Variants in AGAP1 observed in about 807,000 individuals in gnomAD.
AGAP1 encodes the protein ArfGAP with GTPase domain, ankyrin repeat and PH domain 1.
In AGAP1, 29 loss-of-function variants were observed where a neutral mutation model predicts 105.3. The observed-to-expected ratio is 0.28, with a 90% CI of 0.21 to 0.38. The LOEUF (loss-of-function observed/expected upper bound fraction) is 0.38, where lower values mean the gene tolerates loss of function less well. AGAP1 is among the 10% of genes least tolerant of loss of function. The pLI, the probability that AGAP1 is intolerant of heterozygous loss-of-function variation, is 1.00. For synonymous variants in AGAP1, 509 were observed against 485.9 expected, an observed-to-expected ratio of 1.05 and a Z score of -0.63; for missense variants, 998 against 1,165.1, an observed-to-expected ratio of 0.86 and a Z score of 2.09.
chr2:235,771,391 G>T (rs1575409806), intron 6 of AGAP1, among the ~76,000 whole-genome samples: 1 of 152,158 alleles, frequency 6.6e-6, no homozygotes, highest in Non-Finnish European at 1.5e-5. Context: ...CACCACACGT[G>T]GGCACAGCTG....
rs1961039308 is a variant in AGAP1 at position 235,843,002 on chromosome 2, C to T, written c.1050+35671C>T. ...TCGGCCTCCCAAAGTGCTGGAGTTA[C>T]AGGCGTTAGCTGCCGTGCCCGGCCC... On this transcript the variant is annotated intron_variant, in intron 9 of 17. Coordinates refer to ENST00000304032, the MANE Select transcript of AGAP1 (RefSeq NM_001037131.3). The surrounding 1 kb of genome is among the most constrained non-coding windows in gnomAD (Gnocchi z 5.9). Among the ~76,000 whole-genome samples the T allele has an allele frequency of 1.3e-5, 2 of 152,238 alleles. No homozygotes were observed. The highest frequency in any genetic ancestry group is 4.1e-4 in the South Asian group (2 of 4,834).
rs1181748763 is a variant in AGAP1, at chr2:235,888,018, C to T, written c.1155+4569C>T. On this transcript the variant is annotated intron_variant, in intron 10 of 17. Coordinates refer to ENST00000304032, the MANE Select transcript of AGAP1 (RefSeq NM_001037131.3). The surrounding 1 kb of genome is among the most constrained non-coding windows in gnomAD (Gnocchi z 4.8). ...GGCACAGACATTTATCTTCTGTCCA[C>T]GTGTGTGCCGCTCACAGTCCACGTA... 1.3e-5 allele frequency among the ~76,000 whole-genome samples: 2 copies of T among 152,158 alleles called. No individual in the cohort carries two copies. The highest frequency in any genetic ancestry group is 2.9e-5 in the Non-Finnish European group (2 of 68,028).
chr2:235,668,154 A>G (rs1001884883), intron 1 of AGAP1, among the ~76,000 whole-genome samples: 2 of 152,092 alleles, frequency 1.3e-5, no homozygotes, highest in African/African-American at 4.8e-5. Context: ...GAGGCCACAG[A>G]GGGTGCTCAG....
chr2:235,595,637 G>T (rs112097919), intron 1 of AGAP1, among the ~76,000 whole-genome samples: 8 of 152,190 alleles, frequency 5.3e-5, no homozygotes, highest in African/African-American at 1.9e-4. Flanking sequence ...AGTGAGATGC[G>T]TAAACAAACT....
Position 235,906,613 on chromosome 2 carries a change from C to G in AGAP1, c.1156-2125C>G, listed in dbSNP as rs2051317864. Among the ~76,000 whole-genome samples the G allele has an allele frequency of 6.6e-6, 1 of 152,154 alleles. No homozygotes were observed. The highest frequency in any genetic ancestry group is 2.1e-4 in the South Asian group (1 of 4,820). ...CTTTTCCCTTGAGTCTGGTTTGACT[C>G]CATGTGGCAGCCTGTAAGTCATGTT... On this transcript the variant is annotated intron_variant, in intron 10 of 17. Coordinates refer to ENST00000304032, the MANE Select transcript of AGAP1 (RefSeq NM_001037131.3). This position sits in a 1 kb window ranked among gnomAD's most constrained non-coding sequence, Gnocchi z 5.3.
In AGAP1 at chr2:236,045,457, G is replaced by A. The variant is rs2057689554; in HGVS notation, c.1892-3602G>A. On this transcript the variant is annotated intron_variant, in intron 15 of 17. Transcript: ENST00000304032. The surrounding 1 kb of genome is among the most constrained non-coding windows in gnomAD (Gnocchi z 6.9). ...TTTAATCCTTCTGACAGCCCCTTGAGGATGGGAATTATTAGCCTCATTTCT... is the reference window on the plus strand; with the variant it reads ...TTTAATCCTTCTGACAGCCCCTTGAAGATGGGAATTATTAGCCTCATTTCT... 6.6e-6 allele frequency among the ~76,000 whole-genome samples: 1 copy of A among 152,248 alleles called. No homozygotes were observed. Among genetic ancestry groups the A allele is most frequent in the Non-Finnish European group, 1.5e-5 (1 of 68,050 alleles).
rs1943353648 is a variant in AGAP1, at chr2:235,539,242, G to A, written c.163+44393G>A. 2.0e-5 allele frequency among the ~76,000 whole-genome samples: 3 copies of A among 152,228 alleles called. No individual in the cohort carries two copies. The South Asian group carries it at 6.2e-4, about 32-fold the overall frequency. On this transcript the variant is annotated intron_variant, in intron 1 of 17. Coordinates refer to ENST00000304032, the MANE Select transcript of AGAP1 (RefSeq NM_001037131.3). ...ATGTGTGCTAGGAAGGTTACCTTCT[G>A]CAGCTGGACTTTTATGATGCACTGG...
chr2:235,652,498 G>A (rs1373771916), intron 1 of AGAP1, among the ~76,000 whole-genome samples: 1 of 152,166 alleles, frequency 6.6e-6, no homozygotes, highest in Non-Finnish European at 1.5e-5. Context: ...TCTGTCTGGG[G>A]GTGGAGAGCC....
chr2:235,980,372 A>C (rs1387974134), intron 13 of AGAP1, among the ~76,000 whole-genome samples: 1 of 152,200 alleles, frequency 6.6e-6, no homozygotes, highest in Admixed American at 6.5e-5. Flanking sequence ...CTTAATAGCA[A>C]AACTGCATTT....
At chr2:235,572,514 C>G (rs1011792240) in intron 1 of AGAP1, among the ~76,000 whole-genome samples, 7 of 152,130 alleles carry the variant, frequency 4.6e-5, no homozygotes, top group African/African-American at 1.7e-4. Flanking sequence ...GCGTCCTTTG[C>G]ACCATACCCC....
Position 235,891,355 on chromosome 2 carries a change from G to T in AGAP1, c.1155+7906G>T, listed in dbSNP as rs1194311134. Among the ~76,000 whole-genome samples, 1 of 152,114 alleles carries T rather than the reference G, an allele frequency of 6.6e-6. No individual in the cohort carries two copies. The highest frequency in any genetic ancestry group is 1.5e-5 in the Non-Finnish European group (1 of 68,036). On this transcript the variant is annotated intron_variant, in intron 10 of 17. Transcript: ENST00000304032. This position sits in a 1 kb window ranked among gnomAD's most constrained non-coding sequence, Gnocchi z 4.2. ...TGTATGTCTCCAAGACCTTTAAAAA[G>T]CCCTAACTGCTTAACTTTCTTGGGG...
chr2:235,724,289 C>T lies in AGAP1; in HGVS notation c.310+6645C>T, dbSNP rs890336845. ...TGGGGATGGCTGGTAAAGGCTGTGC[C>T]GGCCCTGCCTCCCTCCCAGAAGGGC... On this transcript the variant is annotated intron_variant, in intron 3 of 17. Transcript: ENST00000304032. The surrounding 1 kb of genome is among the most constrained non-coding windows in gnomAD (Gnocchi z 4.9). 2.0e-5 allele frequency among the ~76,000 whole-genome samples: 3 copies of T among 152,184 alleles called. No individual in the cohort carries two copies. Among genetic ancestry groups the T allele is most frequent in the Admixed American group, 1.3e-4 (2 of 15,278 alleles).
At chr2:235,774,984 ATTTAT>A (rs1400637088) in intron 6 of AGAP1, among the ~76,000 whole-genome samples, 2 of 152,274 alleles carry the variant, frequency 1.3e-5, no homozygotes, top group East Asian at 3.9e-4. Context: ...TGAGAGCCAA[ATTTAT>A]TTTTTTTTAT....
intron 10 of AGAP1, among the ~76,000 whole-genome samples, chr2:235,890,586 C>CG (rs1390837319): frequency 1.5e-4 from 23 of 152,170 alleles, no homozygotes; most frequent in African/African-American, 5.3e-4. Flanking sequence ...TGACAGTGGG[C>CG]GGGGGCTGCC....
Position 236,076,234 on chromosome 2 carries a change from G to T in AGAP1, c.2114+26953G>T, listed in dbSNP as rs1034580929. 6.6e-6 allele frequency among the ~76,000 whole-genome samples: 1 copy of T among 152,194 alleles called. No individual in the cohort carries two copies. Among genetic ancestry groups the T allele is most frequent in the African/African-American group, 2.4e-5 (1 of 41,456 alleles). On this transcript the variant is annotated intron_variant, in intron 16 of 17. Transcript: ENST00000304032. The surrounding 1 kb of genome is among the most constrained non-coding windows in gnomAD (Gnocchi z 4.4). ...AGAGGCCAAAGTGGGTGGATCACTT[G>T]AGGTCAGGAGTTCGAGACCAGCCTG...
intron 12 of AGAP1, among the ~76,000 whole-genome samples, chr2:235,946,751 G>T (rs962577263): frequency 6.6e-6 from 1 of 152,096 alleles, no homozygotes; most frequent in African/African-American, 2.4e-5. Context: ...ATCGCCAGGC[G>T]TCATTGTTCT....
intron 1 of AGAP1, among the ~76,000 whole-genome samples, chr2:235,509,427 T>A (rs567706840): frequency 2.0e-4 from 31 of 152,074 alleles, no homozygotes; most frequent in Non-Finnish European, 3.8e-4. Context: ...TAGAGACGGT[T>A]TCACCATGTT....
intron 12 of AGAP1, among the ~76,000 whole-genome samples, chr2:235,955,614 G>T (rs1327134044): frequency 2.6e-5 from 4 of 152,304 alleles, no homozygotes; most frequent in East Asian, 1.9e-4. Context: ...AAGAAGAAAA[G>T]AATCCTATTA....
chr2:235,984,121 C>T (rs2055204737), intron 13 of AGAP1, among the ~76,000 whole-genome samples: 1 of 152,178 alleles, frequency 6.6e-6, no homozygotes, highest in Non-Finnish European at 1.5e-5. Flanking sequence ...GTGAATTTGC[C>T]TCATCTGGAT....
Sources: allele counts gnomAD v4.1 joint callset (sites outside exome capture counted in the v4.1 genomes callset), GRCh38; gene constraint gnomAD v4.1.1; non-coding constraint Gnocchi (gnomAD v3.1); transcripts MANE v1.5; gene names NCBI Gene and HGNC (gene_info 2026-07-23, HGNC 2026-07-21).